The following GARNL3 variants were observed in gnomAD, a reference collection of about 807,000 sequenced individuals.
The protein encoded by GARNL3 is GTPase activating Rap/RanGAP domain like 3.
A neutral mutation model predicts 125.0 loss-of-function variants in GARNL3; 63 were observed. That is an observed-to-expected ratio of 0.50 (90% CI 0.41 to 0.62). The LOEUF is 0.62. Among genes scored for constraint, GARNL3 ranks in the 20% least tolerant of loss-of-function variants. The pLI is 0.00. For missense variants in GARNL3, 994 were observed against 1,244.0 expected (o/e 0.80, Z 3.02); for synonymous variants, 439 against 457.5 (o/e 0.96, Z 0.52).
At chr9:127,258,392 C>T (rs2131236280) in intron 2 of GARNL3, among the ~76,000 whole-genome samples, 1 of 152,282 alleles carries the variant, frequency 6.6e-6, no homozygotes, top group Middle Eastern at 3.4e-3. Flanking sequence ...GTAATCCCAA[C>T]ACTTTGGGAG....
At chr9:127,251,753 C>T (rs1345764153) in intron 2 of GARNL3, among the ~76,000 whole-genome samples, 1 of 152,136 alleles carries the variant, frequency 6.6e-6, no homozygotes, top group Non-Finnish European at 1.5e-5. Flanking sequence ...CAGAATATGC[C>T]ACCCCAAGAT....
At chr9:127,301,437 A>G (rs1381105671) in intron 2 of GARNL3, among the ~76,000 whole-genome samples, 2 of 152,166 alleles carry the variant, frequency 1.3e-5, no homozygotes, top group Non-Finnish European at 2.9e-5. Flanking sequence ...AATGGAGACT[A>G]TTTTGGAGTC....
chr9:127,289,941 T>C (rs2064365670), intron 1 of GARNL3, among the ~76,000 whole-genome samples: 1 of 152,192 alleles, frequency 6.6e-6, no homozygotes, highest in Non-Finnish European at 1.5e-5. Flanking sequence ...GGACATTCTC[T>C]GGAAGATGGT....
At chr9:127,240,376 G>GCACCCTTA (rs2063182591) in intron 1 of GARNL3, among the ~76,000 whole-genome samples, 1 of 152,112 alleles carries the variant, frequency 6.6e-6, no homozygotes, top group Admixed American at 6.5e-5. Flanking sequence ...TTGCACCCTT[G>GCACCCTTA]CACCCCACAT....
At chr9:127,277,433 T>G (rs2063984794) in intron 1 of GARNL3, among the ~76,000 whole-genome samples, 2 of 150,216 alleles carry the variant, frequency 1.3e-5, no homozygotes, top group African/African-American at 4.9e-5. Flanking sequence ...CAGATGTAAT[T>G]AACCTAATCC....
intron 1 of GARNL3, among the ~76,000 whole-genome samples, chr9:127,228,983 G>A (rs1276362424): frequency 6.6e-6 from 1 of 151,998 alleles, no homozygotes; most frequent in East Asian, 1.9e-4. Context: ...CACCACACTC[G>A]GCTAACTTTT....
At chr9:127,343,194 C>T (rs755715673) in intron 14 of GARNL3, among the ~76,000 whole-genome samples, 19 of 152,160 alleles carry the variant, frequency 1.2e-4, no homozygotes, top group East Asian at 1.2e-3. Context: ...TCACTGCGCC[C>T]GGCCGACCAG....
intron 2 of GARNL3, among the ~76,000 whole-genome samples, chr9:127,298,597 T>C (rs73599291): frequency 0.058 from 8,793 of 152,276 alleles, 477 homozygotes; most frequent in African/African-American, 0.14. Context: ...ATACTTGTAA[T>C]TTTTTATATT....
At chr9:127,297,478 G>A (rs2064638765) in intron 2 of GARNL3, among the ~76,000 whole-genome samples, 1 of 152,018 alleles carries the variant, frequency 6.6e-6, no homozygotes, top group Non-Finnish European at 1.5e-5. Context: ...TTAACACAAG[G>A]ACAATTTTAA....
intron 9 of GARNL3, among the ~76,000 whole-genome samples, 166 bp downstream of exon 9, chr9:127,333,287 G>A (rs1463614138): frequency 1.3e-5 from 2 of 152,192 alleles, no homozygotes; most frequent in South Asian, 4.1e-4. Flanking sequence ...GACCTGTTTG[G>A]CATTTCCATT....
intron 6 of GARNL3, among the ~76,000 whole-genome samples, chr9:127,321,809 C>T (rs1045175023): frequency 2.0e-5 from 3 of 152,170 alleles, no homozygotes; most frequent in Non-Finnish European, 4.4e-5. Context: ...ATCCAGGAGG[C>T]AGCAGGGAGC....
intron 6 of GARNL3, among the ~76,000 whole-genome samples, chr9:127,323,553 T>C (rs2065466911): frequency 6.6e-6 from 1 of 152,174 alleles, no homozygotes; most frequent in South Asian, 2.1e-4. Context: ...ATCCCAGTCC[T>C]AATGCTTGCA....
rs980591345 is a variant in GARNL3, at chr9:127,392,008, C to A, written c.2871-1075C>A. Among the ~76,000 whole-genome samples, 2 of 152,170 alleles carry A rather than the reference C, an allele frequency of 1.3e-5. No individual in the cohort carries two copies. The highest frequency in any genetic ancestry group is 4.8e-5 in the African/African-American group (2 of 41,444). ...GTATTAAGATATGGAAAGGACTAAG[C>A]CCCCACCTGTGCCTTCAAGGGGTTC... is the stretch of plus-strand genomic sequence containing the variant. On this transcript the variant is annotated intron_variant, in intron 27 of 27. Transcript: ENST00000373387. This position sits in a 1 kb window ranked among gnomAD's most constrained non-coding sequence, Gnocchi z 5.2.
At chr9:127,293,982 G>A (rs1374081007) in intron 2 of GARNL3, among the ~76,000 whole-genome samples, 1 of 152,080 alleles carries the variant, frequency 6.6e-6, no homozygotes, top group Non-Finnish European at 1.5e-5. Context: ...AGCTCTGCTC[G>A]GTGCTGTGAC....
Position 127,353,960 on chromosome 9 carries a change from G to A in GARNL3, c.1642+16G>A, listed in dbSNP as rs761173148. On this transcript the variant is annotated intron_variant, in intron 18 of 27. Transcript: ENST00000373387. ...GCAGACAAAGGTGGTATTCCCTGCC[G>A]GGTGGCATGCTGTGGAGGAAGGAAA... The A allele has an allele frequency of 1.2e-5, 18 of 1,554,540 alleles. No homozygotes were observed. The highest frequency in any genetic ancestry group is 4.5e-5 in the South Asian group (4 of 89,720).
chr9:127,287,567 C>G lies in GARNL3; in HGVS notation c.145-3601C>G, dbSNP rs2064287251. Among the ~76,000 whole-genome samples, 3 of 152,216 alleles carry G rather than the reference C, an allele frequency of 2.0e-5. No homozygotes were observed. The South Asian group carries it at 6.2e-4, about 32-fold the overall frequency. ...CTGGTCTTCATCAGGCCCCAGCCAC[C>G]ACAGCCCCCTCTGCTTTAGTTAGCA... On this transcript the variant is annotated intron_variant, in intron 1 of 27. Transcript: ENST00000373387.
At chr9:127,370,385 G>T (rs139622280) in intron 22 of GARNL3, among the ~76,000 whole-genome samples, 1 of 152,202 alleles carries the variant, frequency 6.6e-6, no homozygotes, top group South Asian at 2.1e-4. Flanking sequence ...ACAGGATGCC[G>T]TTGAAAGTGT....
At position 127,373,997 on chromosome 9, in the gene GARNL3, C is replaced by T. The variant is rs569110753; in HGVS notation, c.2161+8631C>T. Among the ~76,000 whole-genome samples, 8 of 150,844 alleles carry T rather than the reference C, an allele frequency of 5.3e-5. 1 individual carries two copies. In the South Asian group the frequency reaches 1.7e-3, roughly 32 times the overall value. ...CTCCAGCCTGGGTGACAGAGTGAGA[C>T]TCCGTCTCAAAAAAAAAAAGGAGGC... On this transcript the variant is annotated intron_variant, in intron 22 of 27. Coordinates refer to ENST00000373387, the MANE Select transcript of GARNL3 (RefSeq NM_032293.5).
At position 127,291,242 on chromosome 9, in the gene GARNL3, G is replaced by C; in HGVS notation, c.219G>C (p.Glu73Asp). 6.2e-7 allele frequency: 1 copy of C among 1,613,742 alleles called. No homozygotes were observed. The highest frequency in any genetic ancestry group is 8.5e-7 in the Non-Finnish European group (1 of 1,179,716). ...RFRVENGSSD[E>D]NATALPGTWR... ...GAGTGGAAAATGGCTCTTCAGATGAGGTAAGGAAGCCTCCCCACTTCCTGT... is the reference window on the plus strand; with the variant it reads ...GAGTGGAAAATGGCTCTTCAGATGACGTAAGGAAGCCTCCCCACTTCCTGT... The change falls in exon 2 of 28, where the codon GAG (glutamate) becomes GAC (aspartate). Residue 73 changes from glutamate (E) to aspartate (D), a missense_variant and splice_region_variant. Physicochemically the swap from Glu to Asp is conservative, Grantham distance 45 (BLOSUM62 2). This residue lies in a region of GARNL3 where 139 missense variants were observed against 231.6 expected (regional missense o/e 0.60). Transcript: ENST00000373387.
Sources: allele counts gnomAD v4.1 joint callset (sites outside exome capture counted in the v4.1 genomes callset), GRCh38; gene constraint gnomAD v4.1.1; regional missense constraint gnomAD v4.1.1; non-coding constraint Gnocchi (gnomAD v3.1); transcripts MANE v1.5; gene names NCBI Gene and HGNC (gene_info 2026-07-23, HGNC 2026-07-21).